FHIT: variants seen among roughly 807,000 people sequenced by gnomAD.
FHIT encodes bis(5'-adenosyl)-triphosphatase.
FHIT carries 19 observed loss-of-function variants against 17.9 expected under a neutral mutation model. The ratio of observed to expected loss-of-function variants is 1.06; its 90% CI spans 0.74 to 1.56. The LOEUF (loss-of-function observed/expected upper bound fraction) is 1.56, where lower values mean the gene tolerates loss of function less well. FHIT is among the 40% of genes most tolerant of loss of function. The probability of loss-of-function intolerance (pLI) is 0.00; values close to 1 mark genes in which losing one functional copy is unlikely to be tolerated. For synonymous variants in FHIT, 81 were observed against 69.7 expected, an observed-to-expected ratio of 1.16 and a Z score of -0.81; for missense variants, 248 against 189.2, an observed-to-expected ratio of 1.31 and a Z score of -1.82.
chr3:61,249,599 T>C (rs2040564565), intron 1 of FHIT, among the ~76,000 whole-genome samples: 1 of 152,200 alleles, frequency 6.6e-6, no homozygotes, highest in Non-Finnish European at 1.5e-5. Context: ...GTGTTTTAAC[T>C]TGAACAAGTT....
intron 7 of FHIT, among the ~76,000 whole-genome samples, chr3:60,006,460 T>C (rs1699927767): frequency 6.6e-6 from 1 of 152,038 alleles, no homozygotes; most frequent in African/African-American, 2.4e-5. Context: ...AGATTGAGAT[T>C]AACGTTAAGA....
rs1701608623 is a variant in FHIT at position 59,843,583 on chromosome 3, G to A, written c.348+78763C>T. ...TTTCATTGATTGATACCTTCTTTCA[G>A]AAATGTTTTACAGTTTTCACTGTAC... On this transcript the variant is annotated intron_variant, in intron 8 of 9. Transcript: ENST00000492590. Among the ~76,000 whole-genome samples the A allele has an allele frequency of 3.3e-5, 5 of 152,222 alleles. No homozygotes were observed. In the South Asian group the frequency reaches 8.3e-4, roughly 25 times the overall value.
chr3:60,363,891 G>T (rs1420110515), intron 5 of FHIT, among the ~76,000 whole-genome samples: 2 of 152,114 alleles, frequency 1.3e-5, no homozygotes, highest in African/African-American at 4.8e-5. Flanking sequence ...CTTCCTCAAA[G>T]GACGGTCACC....
chr3:60,577,212 A>T (rs11130775), intron 4 of FHIT, among the ~76,000 whole-genome samples: 35,662 of 151,796 alleles, frequency 0.23, 4,531 homozygotes, highest in Admixed American at 0.34. Context: ...ATTAACACTG[A>T]GCTAGTTCAG....
chr3:60,553,903 C>T (rs545639635), intron 4 of FHIT, among the ~76,000 whole-genome samples: 6 of 151,944 alleles, frequency 3.9e-5, no homozygotes, highest in African/African-American at 1.5e-4. Context: ...CTGGCCAACA[C>T]TGCAAAACCC....
intron 3 of FHIT, among the ~76,000 whole-genome samples, chr3:60,851,521 G>A (rs1400040058): frequency 4.6e-5 from 7 of 152,100 alleles, no homozygotes; most frequent in Non-Finnish European, 8.8e-5. Flanking sequence ...CTAACAGAAT[G>A]ACCTATATTA....
intron 3 of FHIT, among the ~76,000 whole-genome samples, chr3:60,830,909 T>G (rs1448807097): frequency 3.3e-5 from 5 of 152,156 alleles, no homozygotes; most frequent in African/African-American, 1.2e-4. Context: ...TAATGAGAAT[T>G]TCTGAATTAA....
At chr3:60,261,063 A>G (rs1209488027) in intron 5 of FHIT, among the ~76,000 whole-genome samples, 2 of 152,104 alleles carry the variant, frequency 1.3e-5, no homozygotes, top group Non-Finnish European at 2.9e-5. Flanking sequence ...TAATCAAGAA[A>G]TAATTATAAG....
At chr3:60,688,765 G>C (rs886667384) in intron 4 of FHIT, among the ~76,000 whole-genome samples, 16 of 152,076 alleles carry the variant, frequency 1.1e-4, no homozygotes, top group South Asian at 1.0e-3. Flanking sequence ...TTCCACTGGG[G>C]GACTTTATAC....
At chr3:59,790,518 CTCTCTCTCTCTG>C (rs1190180562) in intron 8 of FHIT, among the ~76,000 whole-genome samples, 3 of 139,360 alleles carry the variant, frequency 2.2e-5, no homozygotes, top group Non-Finnish European at 3.1e-5. Flanking sequence ...CTCTCTCTCT[CTCTCTCTCTCTG>C]TGTGTGTGTG....
intron 2 of FHIT, among the ~76,000 whole-genome samples, chr3:61,071,012 G>T (rs2034787447): frequency 6.6e-6 from 1 of 152,088 alleles, no homozygotes; most frequent in East Asian, 1.9e-4. Flanking sequence ...ATTTCAATTT[G>T]GGTAGAGATA....
chr3:60,890,857 G>C (rs1386277756), intron 3 of FHIT, among the ~76,000 whole-genome samples: 1 of 152,082 alleles, frequency 6.6e-6, no homozygotes, highest in Non-Finnish European at 1.5e-5. Context: ...AGCCTCCCAG[G>C]GTTAAAGAAG....
At chr3:59,883,042 T>C (rs1469848517) in intron 8 of FHIT, among the ~76,000 whole-genome samples, 1 of 152,176 alleles carries the variant, frequency 6.6e-6, no homozygotes. Context: ...TCAGGACCCA[T>C]ATAAGGAGGA....
At chr3:60,703,069 A>C (rs1422626179) in intron 4 of FHIT, among the ~76,000 whole-genome samples, 2 of 152,216 alleles carry the variant, frequency 1.3e-5, no homozygotes, top group Admixed American at 1.3e-4. Context: ...ATTAGAGGTC[A>C]TAAGGGATTA....
intron 8 of FHIT, among the ~76,000 whole-genome samples, chr3:59,793,492 G>A (rs1189920722): frequency 6.6e-6 from 1 of 152,136 alleles, no homozygotes. Context: ...AGGTCACATG[G>A]CCACTGGTAA....
intron 3 of FHIT, among the ~76,000 whole-genome samples, chr3:60,988,893 AAC>A (rs2029896534): frequency 7.0e-6 from 1 of 141,878 alleles, no homozygotes; most frequent in South Asian, 2.4e-4. Context: ...CATGATTCTA[AAC>A]GATACTTGTT....
chr3:60,201,455 A>G (rs372394617), intron 5 of FHIT, among the ~76,000 whole-genome samples: 153 of 152,224 alleles, frequency 1.0e-3, no homozygotes, highest in African/African-American at 3.4e-3. Flanking sequence ...AGAATATCTT[A>G]AAGTCCAGGG....
At chr3:59,768,478 C>G (rs576445436) in intron 8 of FHIT, among the ~76,000 whole-genome samples, 1 of 152,340 alleles carries the variant, frequency 6.6e-6, no homozygotes, top group Non-Finnish European at 1.5e-5. Context: ...TCCACCAGCA[C>G]TGGACTTAGG....
intron 5 of FHIT, among the ~76,000 whole-genome samples, chr3:60,096,524 G>C (rs1703955918): frequency 6.6e-6 from 1 of 152,150 alleles, no homozygotes; most frequent in Non-Finnish European, 1.5e-5. Context: ...CAGCCTTCAG[G>C]CTGTTTCTGT....
Sources: allele counts gnomAD v4.1 joint callset (sites outside exome capture counted in the v4.1 genomes callset), GRCh38; gene constraint gnomAD v4.1.1; transcripts MANE v1.5; gene names NCBI Gene and HGNC (gene_info 2026-07-23, HGNC 2026-07-21).